FIBIN: variants seen among roughly 807,000 people sequenced by gnomAD.
The protein encoded by FIBIN is fin bud initiation factor homolog, also known as fin bud initiation factor homolog (zebrafish).
FIBIN carries 8 observed loss-of-function variants against 13.0 expected under a neutral mutation model. The ratio of observed to expected loss-of-function variants is 0.62; its 90% confidence interval spans 0.36 to 1.11. The LOEUF is 1.11. Ranked by LOEUF, FIBIN falls within the 50% of genes most tolerant of loss-of-function variation. FIBIN has a pLI of 0.02. For missense variants in FIBIN, 261 were observed against 260.2 expected, an observed-to-expected ratio of 1.00 and a Z score of -0.02; for synonymous variants, 127 against 114.7, an observed-to-expected ratio of 1.11 and a Z score of -0.69.
rs1430492066 is a variant in FIBIN, at chr11:26,996,766, GA to G, written c.*1607del. 6.6e-6 allele frequency among the ~76,000 whole-genome samples: 1 copy of G among 152,114 alleles called. No individual in the cohort carries two copies. The highest frequency in any genetic ancestry group is 2.4e-5 in the African/African-American group (1 of 41,436). On this transcript the variant is annotated 3_prime_UTR_variant, in exon 1 of 1. Coordinates refer to ENST00000318627, the MANE Select transcript of FIBIN (RefSeq NM_203371.2). ...TTACAGAAGGGGAAACTGAGGCTGG[GA>G]AAGGCTAAATGACTTATCCTCCATC...
chr11:26,995,138 G>T lies in FIBIN; in HGVS notation c.612G>T (p.Leu204=). 3 of 1,602,818 alleles carry T rather than the reference G, an allele frequency of 1.9e-6. No homozygotes were observed. The highest frequency in any genetic ancestry group is 2.6e-6 in the Non-Finnish European group (3 of 1,176,074). ...IRSHGTRLGR[L]KNDYLKV is the part of the protein sequence containing the mutation. Reference sequence around the variant, plus strand: ...GCCATGGGACCCGACTAGGTCGGCTGAAAAATGATTATCTTAAAGTATAGG... The same window carrying T: ...GCCATGGGACCCGACTAGGTCGGCTTAAAAATGATTATCTTAAAGTATAGG... Residue 204 remains leucine (L), a synonymous_variant, in exon 1 of 1, where the codon CTG becomes CTT. Coordinates refer to ENST00000318627, the MANE Select transcript of FIBIN (RefSeq NM_203371.2).
chr11:26,994,495 C>A lies in FIBIN; in HGVS notation c.-32C>A. Reference sequence around the variant, plus strand: ...CTTGTGCCTGGGTAAAAAGTCTCCTCCTGGGGTCCCTGGCCATCCTGAATA... The same window carrying A: ...CTTGTGCCTGGGTAAAAAGTCTCCTACTGGGGTCCCTGGCCATCCTGAATA... On this transcript the variant is annotated 5_prime_UTR_variant, in exon 1 of 1. Coordinates refer to ENST00000318627, the MANE Select transcript of FIBIN (RefSeq NM_203371.2). 1 of 1,562,470 alleles carries A rather than the reference C, an allele frequency of 6.4e-7. No homozygotes were observed.
At position 26,996,108 on chromosome 11, in the gene FIBIN, A is replaced by G. The variant is rs1850925092; in HGVS notation, c.*946A>G. 1 of 166,928 alleles carries G rather than the reference A, an allele frequency of 6.0e-6. No individual in the cohort carries two copies. Among genetic ancestry groups the G allele is most frequent in the South Asian group, 2.1e-4 (1 of 4,836 alleles). 10.3% of individuals were successfully genotyped at this position (166,928 alleles called of 1,614,324 possible). On this transcript the variant is annotated 3_prime_UTR_variant, in exon 1 of 1. Transcript: ENST00000318627. Reference sequence around the variant, plus strand: ...AAGTTTTATTATTCAGGCAATAAACATGTTTTCATGTAATACTGGCTTACT... The same window carrying G: ...AAGTTTTATTATTCAGGCAATAAACGTGTTTTCATGTAATACTGGCTTACT...
In FIBIN at chr11:26,996,051, G is replaced by T; in HGVS notation, c.*889G>T. 6.0e-6 allele frequency: 1 copy of T among 166,830 alleles called. No individual in the cohort carries two copies. 10.3% of individuals were successfully genotyped at this position (166,830 alleles called of 1,614,324 possible). ...TTATTGGAAACTTGTACTTCAAGTA[G>T]GGGGAATCCTAATTCTAATAACTCC... On this transcript the variant is annotated 3_prime_UTR_variant, in exon 1 of 1. Transcript: ENST00000318627.
chr11:26,994,922 C>G lies in FIBIN; in HGVS notation c.396C>G (p.Asn132Lys). Residue 132 changes from asparagine to lysine, a missense_variant, in exon 1 of 1, where the codon AAC becomes AAG. Physicochemically the swap from Asn to Lys is moderately conservative, Grantham distance 94. Transcript: ENST00000318627. ...ESHQIGDAYS[N>K]SDKSLTELES... ...ACCAGATCGGGGATGCCTACTCCAA[C>G]TCGGACAAATCCCTCACTGAGCTGG... 6.2e-7 allele frequency: 1 copy of G among 1,609,168 alleles called. No individual in the cohort carries two copies. The highest frequency in any genetic ancestry group is 8.5e-7 in the Non-Finnish European group (1 of 1,177,374).
rs1744291586 is a variant in FIBIN, at chr11:26,995,943, T to C, written c.*781T>C. ...GTAAATTACAAAGAAATAGGTAGATTGTATGAACATACCCACAAATGCCTA... is the reference window on the plus strand; with the variant it reads ...GTAAATTACAAAGAAATAGGTAGATCGTATGAACATACCCACAAATGCCTA... On this transcript the variant is annotated 3_prime_UTR_variant, in exon 1 of 1. Coordinates refer to ENST00000318627, the MANE Select transcript of FIBIN (RefSeq NM_203371.2). 1 of 166,678 alleles carries C rather than the reference T, an allele frequency of 6.0e-6. No individual in the cohort carries two copies. The highest frequency in any genetic ancestry group is 1.5e-5 in the Non-Finnish European group (1 of 68,122). 10.3% of individuals were successfully genotyped at this position (166,678 alleles called of 1,614,324 possible).
chr11:26,994,630 A>C lies in FIBIN; in HGVS notation c.104A>C (p.His35Pro). Residue 35 changes from histidine (H) to proline (P), a missense_variant, in exon 1 of 1, where the codon CAC (histidine) becomes CCC (proline). Transcript: ENST00000318627. The part of the protein sequence containing the change: ...YPEMSNGTLH[H>P]YFVPDGDYEE... ...GAGATGTCCAATGGGACTCTGCACC[A>C]CTACTTCGTGCCCGATGGGGACTAT... 8 of 1,613,996 alleles carry C rather than the reference A, an allele frequency of 5.0e-6. No individual in the cohort carries two copies. The highest frequency in any genetic ancestry group is 5.9e-6 in the Non-Finnish European group (7 of 1,179,992).
Position 26,996,342 on chromosome 11 carries a change from C to A in FIBIN, c.*1180C>A. Among the ~76,000 whole-genome samples, 1 of 152,146 alleles carries A rather than the reference C, an allele frequency of 6.6e-6. No individual in the cohort carries two copies. Among genetic ancestry groups the A allele is most frequent in the East Asian group, 1.9e-4 (1 of 5,182 alleles). On this transcript the variant is annotated 3_prime_UTR_variant, in exon 1 of 1. Transcript: ENST00000318627. Reference sequence around the variant, plus strand: ...ATTGCCCAAACTTTAAATTTGATCTCTATAGGTCTGCTTAAAGACTCAAAT... The same window carrying A: ...ATTGCCCAAACTTTAAATTTGATCTATATAGGTCTGCTTAAAGACTCAAAT...
Position 26,994,402 on chromosome 11 carries a change from A to G in FIBIN, c.-125A>G. The G allele has an allele frequency of 2.2e-6, 2 of 918,448 alleles. No individual in the cohort carries two copies. Among genetic ancestry groups the G allele is most frequent in the Non-Finnish European group, 3.3e-6 (2 of 614,082 alleles). The allele number at this position is 918,448 out of a possible 1,614,324, so 56.9% of individuals were successfully genotyped here. A position where few individuals can be genotyped will look rare whatever the true frequency, so the allele number is the denominator to read the frequency against. On this transcript the variant is annotated 5_prime_UTR_variant, in exon 1 of 1. Coordinates refer to ENST00000318627, the MANE Select transcript of FIBIN (RefSeq NM_203371.2). ...TGCTGGGGACTGGGGGCCAGGGAGC[A>G]GCAAGCCAGCTGGGACTGAGGCGGA...
Position 26,995,122 on chromosome 11 carries a change from C to A in FIBIN, c.596C>A (p.Thr199Asn). The stretch of plus-strand genomic sequence containing the variant: ...GCCCTCACCATTAGGAGCCATGGGA[C>A]CCGACTAGGTCGGCTGAAAAATGAT... ...LLALTIRSHG[T>N]RLGRLKNDYL... The change falls in exon 1 of 1, where the codon ACC becomes AAC. Residue 199 changes from threonine (T) to asparagine (N), a missense_variant. Physicochemically the swap from Thr to Asn is moderately conservative, Grantham distance 65 (BLOSUM62 0). Transcript: ENST00000318627. The A allele has an allele frequency of 1.2e-6, 2 of 1,611,662 alleles. No homozygotes were observed. The highest frequency in any genetic ancestry group is 1.7e-6 in the Non-Finnish European group (2 of 1,179,188).
Position 26,995,154 on chromosome 11 carries a change from A to G in FIBIN, c.628A>G (p.Lys210Glu), listed in dbSNP as rs546595652. 3 of 1,599,750 alleles carry G rather than the reference A, an allele frequency of 1.9e-6. No homozygotes were observed. Among genetic ancestry groups the G allele is most frequent in the South Asian group, 1.1e-5 (1 of 88,502 alleles). ...RLGRLKNDYLKV is the reference protein window; with the variant it reads ...RLGRLKNDYLEV The stretch of plus-strand genomic sequence containing the variant: ...AGGTCGGCTGAAAAATGATTATCTT[A>G]AAGTATAGGTGGAAGGATACAAATG... The change falls in exon 1 of 1, where the codon AAA becomes GAA. Residue 210 changes from lysine (K) to glutamate (E), a missense_variant. Lys to Glu is a moderately conservative substitution (Grantham distance 56). Transcript: ENST00000318627.
Position 26,994,440 on chromosome 11 carries a change from G to T in FIBIN, c.-87G>T, listed in dbSNP as rs1170135555. 1 of 1,319,190 alleles carries T rather than the reference G, an allele frequency of 7.6e-7. No individual in the cohort carries two copies. The highest frequency in any genetic ancestry group is 1.5e-5 in the African/African-American group (1 of 67,802). 81.7% of individuals were successfully genotyped at this position (1,319,190 alleles called of 1,614,324 possible). On this transcript the variant is annotated 5_prime_UTR_variant, in exon 1 of 1. Coordinates refer to ENST00000318627, the MANE Select transcript of FIBIN (RefSeq NM_203371.2). Reference sequence around the variant, plus strand: ...GGACTGAGGCGGACGCTGTCTCAGGGAGACGCTGACTCGCAAAGACACTCC... The same window carrying T: ...GGACTGAGGCGGACGCTGTCTCAGGTAGACGCTGACTCGCAAAGACACTCC...
At position 26,994,565 on chromosome 11, in the gene FIBIN, C is replaced by G. The variant is rs768105203; in HGVS notation, c.39C>G (p.Cys13Trp). 1.9e-6 allele frequency: 3 copies of G among 1,611,112 alleles called. No individual in the cohort carries two copies. In the South Asian group the frequency reaches 3.3e-5, roughly 18 times the overall value. Reference sequence around the variant, plus strand: ...AGTTCTTCTGCATGAGTTTCTTCTGCCACCTGTGTCAAGGCTACTTCGATG... The same window carrying G: ...AGTTCTTCTGCATGAGTTTCTTCTGGCACCTGTGTCAAGGCTACTTCGATG... ...FLKFFCMSFF[C>W]HLCQGYFDGP... Residue 13 changes from cysteine (C) to tryptophan (W), a missense_variant, in exon 1 of 1, where the codon TGC becomes TGG. Coordinates refer to ENST00000318627, the MANE Select transcript of FIBIN (RefSeq NM_203371.2).
Position 26,995,247 on chromosome 11 carries a change from C to G in FIBIN, c.*85C>G. On this transcript the variant is annotated 3_prime_UTR_variant, in exon 1 of 1. Coordinates refer to ENST00000318627, the MANE Select transcript of FIBIN (RefSeq NM_203371.2). ...GGACAGAAGATGGGGCTACATTTCC[C>G]CCATACCTACTATTTTTTTATATCC... 1 of 1,314,998 alleles carries G rather than the reference C, an allele frequency of 7.6e-7. No homozygotes were observed. Among genetic ancestry groups the G allele is most frequent in the Non-Finnish European group, 1.0e-6 (1 of 961,964 alleles). The allele number at this position is 1,314,998 out of a possible 1,614,324, so 81.5% of individuals were successfully genotyped here. A position where few individuals can be genotyped will look rare whatever the true frequency, so the allele number is the denominator to read the frequency against.
chr11:26,994,680 T>G lies in FIBIN; in HGVS notation c.154T>G (p.Cys52Gly), dbSNP rs777047715. 1.9e-6 allele frequency: 3 copies of G among 1,612,062 alleles called. No individual in the cohort carries two copies. The highest frequency in any genetic ancestry group is 1.7e-4 in the Middle Eastern group (1 of 6,060). ...DYEENDDPEK[C>G]QLLFRVSDHR... Reference sequence around the variant, plus strand: ...TGAGGAGAACGATGACCCCGAGAAGTGCCAGCTGCTCTTCAGGGTGAGTGA... The same window carrying G: ...TGAGGAGAACGATGACCCCGAGAAGGGCCAGCTGCTCTTCAGGGTGAGTGA... Residue 52 changes from cysteine to glycine, a missense_variant, in exon 1 of 1, where the codon TGC becomes GGC. By Grantham distance (159) the Cys-to-Gly change is radical. Coordinates refer to ENST00000318627, the MANE Select transcript of FIBIN (RefSeq NM_203371.2).
rs1396182103 is a variant in FIBIN at position 26,996,291 on chromosome 11, A to T, written c.*1129A>T. On this transcript the variant is annotated 3_prime_UTR_variant, in exon 1 of 1. Coordinates refer to ENST00000318627, the MANE Select transcript of FIBIN (RefSeq NM_203371.2). ...TTCTCCTCTCTGTAGTCACCCTGACATCCTCACAAGAAAACAAATCTAGCC... is the reference window on the plus strand; with the variant it reads ...TTCTCCTCTCTGTAGTCACCCTGACTTCCTCACAAGAAAACAAATCTAGCC... Among the ~76,000 whole-genome samples, 2 of 152,202 alleles carry T rather than the reference A, an allele frequency of 1.3e-5. No homozygotes were observed. Among genetic ancestry groups the T allele is most frequent in the Non-Finnish European group, 2.9e-5 (2 of 68,026 alleles).
Position 26,994,659 on chromosome 11 carries a change from G to C in FIBIN, c.133G>C (p.Glu45Gln). The stretch of plus-strand genomic sequence containing the variant: ...CTTCGTGCCCGATGGGGACTATGAG[G>C]AGAACGATGACCCCGAGAAGTGCCA... The part of the protein sequence containing the change: ...HYFVPDGDYE[E>Q]NDDPEKCQLL... Residue 45 changes from glutamate (E) to glutamine (Q), a missense_variant, in exon 1 of 1, where the codon GAG becomes CAG. Physicochemically the swap from Glu to Gln is conservative, Grantham distance 29. Coordinates refer to ENST00000318627, the MANE Select transcript of FIBIN (RefSeq NM_203371.2). The C allele has an allele frequency of 6.2e-7, 1 of 1,614,054 alleles. No homozygotes were observed. The highest frequency in any genetic ancestry group is 8.5e-7 in the Non-Finnish European group (1 of 1,180,020).
Position 26,994,187 on chromosome 11 carries a change from CG to C in FIBIN, c.-337del. On this transcript the variant is annotated 5_prime_UTR_variant, in exon 1 of 1. Transcript: ENST00000318627. ...CTCTCCAGCTACACACTCCATCTCC[CG>C]GGAGCAAGGGGAAACTCCGAGAGGA... The C allele has an allele frequency of 3.8e-6, 1 of 263,142 alleles. No homozygotes were observed. The allele number at this position is 263,142 out of a possible 1,614,324, so 16.3% of individuals were successfully genotyped here.
Position 26,995,365 on chromosome 11 carries a change from ATTAT to A in FIBIN, c.*208_*211del, listed in dbSNP as rs1850916127. The A allele has an allele frequency of 1.4e-5, 7 of 514,718 alleles. No individual in the cohort carries two copies. The highest frequency in any genetic ancestry group is 4.0e-5 in the South Asian group (1 of 25,046). The allele number at this position is 514,718 out of a possible 1,614,324, so 31.9% of individuals were successfully genotyped here. A position where few individuals can be genotyped will look rare whatever the true frequency, so the allele number is the denominator to read the frequency against. ...TTTGTTTTTAGTTTTGTTTTTGTAC[ATTAT>A]TTATGTGATTGTTATGGAATTGTCA... On this transcript the variant is annotated 3_prime_UTR_variant, in exon 1 of 1. Transcript: ENST00000318627.
Sources: gnomAD v4.1 joint callset for allele counts (sites outside exome capture counted in the v4.1 genomes callset) on GRCh38, gnomAD v4.1.1 for gene constraint, MANE v1.5 for transcripts, NCBI Gene and HGNC (gene_info 2026-07-23, HGNC 2026-07-21) for gene names.